Variants in PTPRD observed in about 807,000 individuals in gnomAD.
PTPRD encodes the protein protein tyrosine phosphatase receptor type D.
A neutral mutation model predicts 214.5 loss-of-function variants in PTPRD; 34 were observed. That is an observed-to-expected ratio of 0.16 (90% CI 0.12 to 0.21). PTPRD has a LOEUF of 0.21. Ranked by LOEUF, PTPRD falls within the 10% of genes least tolerant of loss-of-function variation. The pLI is 1.00. For missense variants in PTPRD, 2,545 were observed against 2,398.7 expected (o/e 1.06, Z -1.27); for synonymous variants, 1,128 against 845.7 (o/e 1.33, Z -5.79).
At chr9:9,982,733 C>G (rs1290342126) in intron 4 of PTPRD, among the ~76,000 whole-genome samples, 1 of 151,566 alleles carries the variant, frequency 6.6e-6, no homozygotes, top group African/African-American at 2.4e-5. Flanking sequence ...GGTCTCAGAG[C>G]AAAAGGTCCT....
In PTPRD at chr9:9,645,800, T is replaced by A. The variant is rs1182321424; in HGVS notation, c.-286-71019A>T. Among the ~76,000 whole-genome samples, 8 of 152,246 alleles carry A rather than the reference T, an allele frequency of 5.3e-5. No homozygotes were observed. The East Asian group carries it at 7.7e-4, about 15-fold the overall frequency. ...TTCATATCTTTATCTTTCTCCTGAA[T>A]AATTTAAAGATATTACAGTGAGTAT... is the stretch of plus-strand genomic sequence containing the variant. On this transcript the variant is annotated intron_variant, in intron 7 of 45. Coordinates refer to ENST00000381196, the MANE Select transcript of PTPRD (RefSeq NM_002839.4).
At chr9:10,292,916 G>C (rs2095570607) in intron 3 of PTPRD, among the ~76,000 whole-genome samples, 2 of 151,786 alleles carry the variant, frequency 1.3e-5, no homozygotes, top group African/African-American at 2.4e-5. Flanking sequence ...TTACATAAAA[G>C]AATAAGTCAC....
At chr9:10,317,129 G>C (rs570062499) in intron 3 of PTPRD, among the ~76,000 whole-genome samples, 1 of 151,712 alleles carries the variant, frequency 6.6e-6, no homozygotes, top group African/African-American at 2.4e-5. Flanking sequence ...CTAACATTTT[G>C]AGCAATATAG....
intron 3 of PTPRD, among the ~76,000 whole-genome samples, chr9:10,205,521 A>T (rs1564515535): frequency 6.6e-6 from 1 of 151,818 alleles, no homozygotes; most frequent in African/African-American, 2.4e-5. Context: ...TTCTCCTGCC[A>T]CAGCCTCTGA....
chr9:10,110,057 T>C (rs1261877026), intron 3 of PTPRD, among the ~76,000 whole-genome samples: 3 of 152,164 alleles, frequency 2.0e-5, no homozygotes, highest in Non-Finnish European at 4.4e-5. Flanking sequence ...ATGTAGATGC[T>C]ATAATTTATT....
At chr9:9,269,353 A>G (rs1941764820) in intron 9 of PTPRD, among the ~76,000 whole-genome samples, 2 of 151,486 alleles carry the variant, frequency 1.3e-5, no homozygotes, top group African/African-American at 2.4e-5. Context: ...AAGTTAAAAG[A>G]TAAGTGCTGG....
chr9:10,569,500 T>C lies in PTPRD; in HGVS notation c.-600+42898A>G, dbSNP rs555317892. On this transcript the variant is annotated intron_variant, in intron 2 of 45. Transcript: ENST00000381196. ...AATTCATCCTGTATACTTGTGTATA[T>C]GCATGTCTCTCTCTCTCTCTCTCTC... Among the ~76,000 whole-genome samples, 126 of 151,888 alleles carry C rather than the reference T, an allele frequency of 8.3e-4. 2 individuals are homozygous for C. Among genetic ancestry groups the C allele is most frequent in the African/African-American group, 2.9e-3 (121 of 41,390 alleles).
chr9:9,934,572 T>C (rs1346359259), intron 5 of PTPRD, among the ~76,000 whole-genome samples: 2 of 151,396 alleles, frequency 1.3e-5, no homozygotes, highest in African/African-American at 2.4e-5. Flanking sequence ...TCTGAAATTA[T>C]GGCAATAATC....
At chr9:8,971,123 T>C (rs1203140050) in intron 11 of PTPRD, among the ~76,000 whole-genome samples, 1 of 151,848 alleles carries the variant, frequency 6.6e-6, no homozygotes, top group African/African-American at 2.4e-5. Flanking sequence ...ATGTGTCACA[T>C]TATTTGCAAA....
intron 14 of PTPRD, among the ~76,000 whole-genome samples, chr9:8,577,235 ATTTG>A (rs35757801): frequency 0.35 from 52,871 of 150,418 alleles, 9,595 homozygotes; most frequent in African/African-American, 0.47. Context: ...TTTATTTTTT[ATTTG>A]TTTGTTTGTT....
At chr9:8,572,290 A>T (rs888870850) in intron 14 of PTPRD, among the ~76,000 whole-genome samples, 1 of 152,062 alleles carries the variant, frequency 6.6e-6, no homozygotes, top group Non-Finnish European at 1.5e-5. Flanking sequence ...CTTCTACCTA[A>T]CTAAAAAGCA....
At chr9:10,014,455 TGA>T in intron 4 of PTPRD, among the ~76,000 whole-genome samples, 1 of 152,184 alleles carries the variant, frequency 6.6e-6, no homozygotes, top group South Asian at 2.1e-4. Context: ...ATTTTGACTT[TGA>T]GAGTTATTGC....
intron 11 of PTPRD, among the ~76,000 whole-genome samples, chr9:8,848,860 G>T (rs1316234485): frequency 7.7e-6 from 1 of 130,364 alleles, no homozygotes; most frequent in Non-Finnish European, 1.7e-5. Context: ...TCTGTGAAAT[G>T]ATGATAATAA....
intron 7 of PTPRD, among the ~76,000 whole-genome samples, chr9:9,720,605 C>T (rs893891269): frequency 6.6e-6 from 1 of 152,128 alleles, no homozygotes; most frequent in Non-Finnish European, 1.5e-5. Flanking sequence ...AAATCCCATG[C>T]AGGTGACTAC....
chr9:9,096,533 A>T (rs1356744748), intron 10 of PTPRD, among the ~76,000 whole-genome samples: 2 of 152,312 alleles, frequency 1.3e-5, no homozygotes, highest in Middle Eastern at 3.4e-3. Context: ...GTAGAAAACT[A>T]TATAAGATAT....
At chr9:8,548,675 GATTTTTTTTTTTTTT>G (rs2081051310) in intron 14 of PTPRD, among the ~76,000 whole-genome samples, 1 of 104,482 alleles carries the variant, frequency 9.6e-6, no homozygotes, top group Admixed American at 1.2e-4. Context: ...GCTGGAGCTG[GATTTTTTTTTTTTTT>G]TTTTTTTTTT....
At chr9:10,512,280 A>C (rs2048555771) in intron 2 of PTPRD, among the ~76,000 whole-genome samples, 1 of 152,032 alleles carries the variant, frequency 6.6e-6, no homozygotes, top group African/African-American at 2.4e-5. Context: ...ACAAATAGGA[A>C]AGAGAGGGAG....
At chr9:9,408,362 C>A (rs1356992473) in intron 8 of PTPRD, among the ~76,000 whole-genome samples, 1 of 151,730 alleles carries the variant, frequency 6.6e-6, no homozygotes, top group Non-Finnish European at 1.5e-5. Flanking sequence ...ATAAGCACGA[C>A]AAGCATTTTT....
intron 14 of PTPRD, among the ~76,000 whole-genome samples, chr9:8,580,724 T>C (rs2092984931): frequency 6.6e-6 from 1 of 152,094 alleles, no homozygotes; most frequent in Non-Finnish European, 1.5e-5. Context: ...TACAACAAAA[T>C]AGGTATTATG....
Sources: allele counts gnomAD v4.1 joint callset (sites outside exome capture counted in the v4.1 genomes callset), GRCh38; gene constraint gnomAD v4.1.1; transcripts MANE v1.5; gene names NCBI Gene and HGNC (gene_info 2026-07-23, HGNC 2026-07-21).